COLEC10: variants seen among roughly 807,000 people sequenced by gnomAD.
COLEC10 encodes collectin subfamily member 10, also known as collectin-10.
Under a neutral mutation model 28.4 loss-of-function variants are expected in COLEC10, and 22 were observed. The observed-to-expected ratio is 0.78, with a 90% CI of 0.55 to 1.11. The LOEUF is 1.11. Ranked by LOEUF, COLEC10 falls within the 50% of genes least tolerant of loss-of-function variation. COLEC10 has a pLI of 0.00. For missense variants in COLEC10, 361 were observed against 344.1 expected, an observed-to-expected ratio of 1.05 and a Z score of -0.39; for synonymous variants, 125 against 116.1, an observed-to-expected ratio of 1.08 and a Z score of -0.49.
chr8:118,956,802 C>T, the COLEC10 span, among the ~76,000 whole-genome samples: 3 of 152,180 alleles, frequency 2.0e-5, no homozygotes, highest in Non-Finnish European at 4.4e-5. Flanking sequence ...CCCCACTTCC[C>T]TGATGCCCAT....
intron 1 of COLEC10, among the ~76,000 whole-genome samples, chr8:119,069,624 AAAAAAATATATATATAT>A (rs1482211229): frequency 1.4e-3 from 92 of 67,272 alleles, no homozygotes; most frequent in South Asian, 2.0e-3. Context: ...AAAAAAAAAA[AAAAAAATATATATATAT>A]ATATATATAT....
chr8:119,092,213 A>G (rs1210835796), intron 3 of COLEC10, among the ~76,000 whole-genome samples: 1 of 151,578 alleles, frequency 6.6e-6, no homozygotes, highest in Admixed American at 6.6e-5. Context: ...GGGACTACAG[A>G]TGCCCACCAC....
chr8:119,093,836 C>T (rs193008943), intron 3 of COLEC10, among the ~76,000 whole-genome samples: 41 of 152,202 alleles, frequency 2.7e-4, no homozygotes, highest in South Asian at 1.9e-3. Flanking sequence ...CTAATTTGTG[C>T]GTCCTTAAGT....
the COLEC10 span, among the ~76,000 whole-genome samples, chr8:118,979,915 G>A: frequency 6.6e-6 from 1 of 152,092 alleles, no homozygotes; most frequent in African/African-American, 2.4e-5. Flanking sequence ...GCAGACTTCT[G>A]TTCCTCATGG....
chr8:119,099,208 C>T (rs1815776367), intron 3 of COLEC10, among the ~76,000 whole-genome samples: 1 of 151,892 alleles, frequency 6.6e-6, no homozygotes, highest in Admixed American at 6.6e-5. Context: ...ACTCATTGGC[C>T]AAAATCAGTT....
chr8:119,049,466 G>T (rs1420110119), intron 2 of COLEC10, among the ~76,000 whole-genome samples: 1 of 126,300 alleles, frequency 7.9e-6, no homozygotes, highest in Non-Finnish European at 1.6e-5. Context: ...CTAGGCTGGA[G>T]TGCCGTGGCG....
chr8:119,103,803 C>A lies in COLEC10; in HGVS notation c.350C>A (p.Thr117Asn). The A allele has an allele frequency of 6.2e-7, 1 of 1,602,558 alleles. No homozygotes were observed. The highest frequency in any genetic ancestry group is 8.5e-7 in the Non-Finnish European group (1 of 1,169,976). ...CACAGTTTTTGTCATTTAAAAGGTA[C>A]TGTCTGTGATTGTGGAAGATACCGG... is the stretch of plus-strand genomic sequence containing the variant. ...GIPGEKGKAG[T>N]VCDCGRYRKF... Residue 117 changes from threonine (T) to asparagine (N), a missense_variant, in exon 5 of 6, where the codon ACT (threonine) becomes AAT (asparagine). Transcript: ENST00000332843.
At chr8:119,033,385 A>G (rs1814327749) in intron 2 of COLEC10, among the ~76,000 whole-genome samples, 1 of 152,244 alleles carries the variant, frequency 6.6e-6, no homozygotes, top group Admixed American at 6.5e-5. Context: ...ACAACAGCCA[A>G]AATTGACAAA....
the COLEC10 span, among the ~76,000 whole-genome samples, chr8:118,971,935 C>A: frequency 1.3e-5 from 2 of 151,842 alleles, no homozygotes; most frequent in African/African-American, 2.4e-5. Context: ...TGCCACACTC[C>A]CACCTGCAAC....
At chr8:119,056,720 CTG>C (rs1429306847) in intron 2 of COLEC10, among the ~76,000 whole-genome samples, 3 of 151,998 alleles carry the variant, frequency 2.0e-5, no homozygotes, top group African/African-American at 7.2e-5. Flanking sequence ...AGTTGTACCT[CTG>C]TCACATTTCT....
intron 1 of COLEC10, among the ~76,000 whole-genome samples, chr8:119,076,687 G>A (rs1372073347): frequency 6.6e-6 from 1 of 152,220 alleles, no homozygotes. Context: ...GTAGCATTGA[G>A]TGCAGTCAAA....
chr8:119,074,158 G>A lies in COLEC10; in HGVS notation c.148+6729G>A, dbSNP rs556571954. Among the ~76,000 whole-genome samples the A allele has an allele frequency of 1.6e-4, 24 of 152,008 alleles. No homozygotes were observed. In the South Asian group the frequency reaches 4.6e-3, roughly 29 times the overall value. On this transcript the variant is annotated intron_variant, in intron 1 of 5. Transcript: ENST00000332843. ...ATTAACAGAGGCTAGGAAGGGGAGT[G>A]GGGGGACCTAGAGACAATTAATGGG...
chr8:119,071,481 T>C (rs1321665919), intron 1 of COLEC10, among the ~76,000 whole-genome samples: 1 of 152,196 alleles, frequency 6.6e-6, no homozygotes, highest in Admixed American at 6.5e-5. Flanking sequence ...TGATGGCTCC[T>C]CTGCCTGGCC....
intron 2 of COLEC10, among the ~76,000 whole-genome samples, chr8:119,023,357 T>A (rs1424006542): frequency 1.3e-5 from 2 of 152,174 alleles, no homozygotes; most frequent in Non-Finnish European, 2.9e-5. Flanking sequence ...AATAAATGTA[T>A]GGTATCCCTT....
At chr8:119,089,468 T>G (rs1815545154) in intron 1 of COLEC10, among the ~76,000 whole-genome samples, 1 of 152,218 alleles carries the variant, frequency 6.6e-6, no homozygotes, top group Non-Finnish European at 1.5e-5. Context: ...AACATAGAGT[T>G]GGATGTGGAG....
intron 1 of COLEC10, among the ~76,000 whole-genome samples, chr8:119,087,440 T>A (rs1046888424): frequency 1.3e-5 from 2 of 152,078 alleles, no homozygotes; most frequent in Non-Finnish European, 2.9e-5. Flanking sequence ...AAACACCCTC[T>A]GGAAAAAAAG....
At chr8:118,963,864 C>T in the COLEC10 span, among the ~76,000 whole-genome samples, 1 of 152,102 alleles carries the variant, frequency 6.6e-6, no homozygotes, top group Non-Finnish European at 1.5e-5. Flanking sequence ...AGAGTGCCTA[C>T]TATGTGTTGT....
At chr8:119,050,361 C>A (rs1337958160) in intron 2 of COLEC10, among the ~76,000 whole-genome samples, 1 of 151,942 alleles carries the variant, frequency 6.6e-6, no homozygotes, top group Non-Finnish European at 1.5e-5. Context: ...AATTTTAAAC[C>A]CACAGCTACC....
chr8:119,043,830 A>C (rs1368621068), intron 2 of COLEC10, among the ~76,000 whole-genome samples: 1 of 152,220 alleles, frequency 6.6e-6, no homozygotes, highest in African/African-American at 2.4e-5. Context: ...TAATGGATGC[A>C]AATACCGAGT....
Sources: gnomAD v4.1 joint callset for allele counts (sites outside exome capture counted in the v4.1 genomes callset) on GRCh38, gnomAD v4.1.1 for gene constraint, MANE v1.5 for transcripts, NCBI Gene and HGNC (gene_info 2026-07-23, HGNC 2026-07-21) for gene names.